SEMA3D: variants seen among roughly 807,000 people sequenced by gnomAD.
The protein encoded by SEMA3D is semaphorin-3D.
A neutral mutation model predicts 100.1 loss-of-function variants in SEMA3D; 84 were observed. That is an observed-to-expected ratio of 0.84 (90% CI 0.70 to 1.01). The LOEUF is 1.01. Among genes scored for constraint, SEMA3D ranks in the 50% least tolerant of loss-of-function variants. The pLI, the probability that SEMA3D is intolerant of heterozygous loss-of-function variation, is 0.00. For synonymous variants in SEMA3D, 312 were observed against 320.7 expected (o/e 0.97, Z 0.29); for missense variants, 875 against 934.1 (o/e 0.94, Z 0.82).
chr7:85,067,883 A>G (rs1219685127), intron 7 of SEMA3D, among the ~76,000 whole-genome samples: 2 of 152,196 alleles, frequency 1.3e-5, no homozygotes, highest in Admixed American at 6.5e-5. Context: ...ATATTACAAC[A>G]TAAGAAAATC....
chr7:85,183,459 C>G (rs1394387835), intron 1 of SEMA3D, among the ~76,000 whole-genome samples: 1 of 152,144 alleles, frequency 6.6e-6, no homozygotes, highest in Non-Finnish European at 1.5e-5. Flanking sequence ...GTTAGCCTGT[C>G]GGAAACAGTA....
Position 84,999,280 on chromosome 7 carries a change from C to T in SEMA3D, c.*160G>A, listed in dbSNP as rs1789585095. ...AAAACTGGTTCAAATGAATTTTTTG[C>T]CCTTTCTTATATTCATCACATATTG... is the stretch of plus-strand genomic sequence containing the variant. On this transcript the variant is annotated 3_prime_UTR_variant, in exon 19 of 19. Transcript: ENST00000284136. 8 of 602,522 alleles carry T rather than the reference C, an allele frequency of 1.3e-5. No individual in the cohort carries two copies. In the South Asian group the frequency reaches 1.6e-4, roughly 12 times the overall value. The allele number at this position is 602,522 out of a possible 1,614,324, so 37.3% of individuals were successfully genotyped here. A position where few individuals can be genotyped will look rare whatever the true frequency, so the allele number is the denominator to read the frequency against.
rs1371425387 is a variant in SEMA3D, at chr7:84,999,124, TC to T, written c.*315del. The T allele has an allele frequency of 2.9e-6, 1 of 341,782 alleles. No homozygotes were observed. Among genetic ancestry groups the T allele is most frequent in the African/African-American group, 2.1e-5 (1 of 47,636 alleles). The allele number at this position is 341,782 out of a possible 1,614,324, so 21.2% of individuals were successfully genotyped here. A position where few individuals can be genotyped will look rare whatever the true frequency, so the allele number is the denominator to read the frequency against. ...TAAAGCACCTTATACACTATCAAATTCGGGGCTTGCTTAGCTCAACTATTTA... is the reference window on the plus strand; with the variant it reads ...TAAAGCACCTTATACACTATCAAATTGGGGCTTGCTTAGCTCAACTATTTA... On this transcript the variant is annotated 3_prime_UTR_variant, in exon 19 of 19. Transcript: ENST00000284136.
chr7:85,065,691 T>C (rs1791597875), intron 7 of SEMA3D, 139 bp from the exon 8 acceptor site: 1 of 647,962 alleles, frequency 1.5e-6, no homozygotes. Flanking sequence ...ATTTCACAGA[T>C]TTTGAAAATT....
intron 1 of SEMA3D, among the ~76,000 whole-genome samples, chr7:85,185,300 C>A (rs929490845): frequency 6.6e-6 from 1 of 152,072 alleles, no homozygotes. Flanking sequence ...CGCCTCAACC[C>A]TTCCCTCTCT....
intron 2 of SEMA3D, chr7:85,140,518 C>T: frequency 1.0e-6 from 1 of 984,086 alleles, no homozygotes; most frequent in Non-Finnish European, 1.2e-6. Context: ...CACTGTTGAT[C>T]ATAGTCACTT....
chr7:85,006,531 T>C (rs575765354), intron 18 of SEMA3D, among the ~76,000 whole-genome samples: 81 of 152,048 alleles, frequency 5.3e-4, no homozygotes, highest in African/African-American at 1.9e-3. Context: ...TTCCTAAATA[T>C]AGGCAATCTA....
chr7:85,186,636 C>G (rs573552452), intron 1 of SEMA3D, 42 bp downstream of exon 1: 1 of 152,584 alleles, frequency 6.6e-6, no homozygotes, highest in South Asian at 2.1e-4. Flanking sequence ...GTCTCCAGCA[C>G]ACCCTCCCAC....
At chr7:85,003,978 C>G (rs1197732094) in intron 18 of SEMA3D, among the ~76,000 whole-genome samples, 3 of 151,942 alleles carry the variant, frequency 2.0e-5, no homozygotes, top group Non-Finnish European at 4.4e-5. Context: ...TATTTTACTT[C>G]TAAGATTTTT....
chr7:85,129,286 C>T (rs1235812674), intron 2 of SEMA3D, among the ~76,000 whole-genome samples: 1 of 152,046 alleles, frequency 6.6e-6, no homozygotes, highest in Non-Finnish European at 1.5e-5. Flanking sequence ...GAGAAGAGCA[C>T]AACACCTACA....
rs755054158 is a variant in SEMA3D, at chr7:85,055,904, C to T, written c.719-45G>A. 5.4e-6 allele frequency: 6 copies of T among 1,104,594 alleles called. No individual in the cohort carries two copies. The Admixed American group carries it at 1.3e-4, about 24-fold the overall frequency. The allele number at this position is 1,104,594 out of a possible 1,614,324, so 68.4% of individuals were successfully genotyped here. ...CTATAAATTAAGATACTGAAACAAT[C>T]CAGTCATCATAGTTTGATGATATTT... On this transcript the variant is annotated intron_variant, in intron 8 of 18. Transcript: ENST00000284136.
Position 85,072,175 on chromosome 7 carries a change from G to T in SEMA3D, c.495+787C>A, listed in dbSNP as rs776899472. On this transcript the variant is annotated intron_variant, in intron 6 of 18. Transcript: ENST00000284136. The stretch of plus-strand genomic sequence containing the variant: ...ACAAGGACAGTAAACTAAAGTACTG[G>T]TAAATAATTTAATTGCAAAAATATG... Among the ~76,000 whole-genome samples, 91 of 152,144 alleles carry T rather than the reference G, an allele frequency of 6.0e-4. 1 individual carries two copies. Among genetic ancestry groups the T allele is most frequent in the Non-Finnish European group, 2.4e-4 (16 of 68,034 alleles).
At chr7:85,051,762 A>G (rs1791172534) in intron 9 of SEMA3D, among the ~76,000 whole-genome samples, 1 of 151,726 alleles carries the variant, frequency 6.6e-6, no homozygotes, top group African/African-American at 2.4e-5. Context: ...TTTTTTTGTT[A>G]TTTACCATCT....
At chr7:85,210,102 G>A in the SEMA3D span, among the ~76,000 whole-genome samples, 11 of 152,118 alleles carry the variant, frequency 7.2e-5, no homozygotes, top group African/African-American at 2.4e-4. Context: ...ACTAATGGGA[G>A]GCTCTAAACA....
At chr7:85,038,181 AAAACTT>A (rs1216661715) in intron 11 of SEMA3D, among the ~76,000 whole-genome samples, 1 of 152,136 alleles carries the variant, frequency 6.6e-6, no homozygotes, top group Non-Finnish European at 1.5e-5. Flanking sequence ...CATGTACCCT[AAAACTT>A]AAAGTATAAT....
chr7:85,179,283 C>T (rs1444984627), intron 1 of SEMA3D, among the ~76,000 whole-genome samples: 2 of 152,166 alleles, frequency 1.3e-5, no homozygotes, highest in Non-Finnish European at 2.9e-5. Context: ...ACAGCTTGCA[C>T]TGTGCTGGAA....
intron 1 of SEMA3D, among the ~76,000 whole-genome samples, chr7:85,176,789 T>TAG (rs1583991713): frequency 1.4e-5 from 2 of 144,992 alleles, no homozygotes; most frequent in East Asian, 2.1e-4. Flanking sequence ...TACATATATA[T>TAG]ATATAGAGAG....
At chr7:85,180,116 T>C (rs1040148951) in intron 1 of SEMA3D, among the ~76,000 whole-genome samples, 23 of 152,340 alleles carry the variant, frequency 1.5e-4, no homozygotes, top group Admixed American at 7.8e-4. Flanking sequence ...CTAAATCTTA[T>C]GTTGAATTGT....
intron 12 of SEMA3D, among the ~76,000 whole-genome samples, chr7:85,033,954 A>G (rs1180792744): frequency 6.6e-6 from 1 of 151,926 alleles, no homozygotes; most frequent in East Asian, 1.9e-4. Context: ...ATCATAGTGT[A>G]AGAACTAATA....
Sources: gnomAD v4.1 joint callset for allele counts (sites outside exome capture counted in the v4.1 genomes callset) on GRCh38, gnomAD v4.1.1 for gene constraint, MANE v1.5 for transcripts, NCBI Gene and HGNC (gene_info 2026-07-23, HGNC 2026-07-21) for gene names.